Variants in CALN1 observed in about 807,000 individuals in gnomAD.
CALN1 encodes calcium-binding protein 8.
CALN1 carries 17 observed loss-of-function variants against 30.6 expected under a neutral mutation model. The ratio of observed to expected loss-of-function variants is 0.56; its 90% CI spans 0.38 to 0.83. The LOEUF (loss-of-function observed/expected upper bound fraction) is 0.83, where lower values mean the gene tolerates loss of function less well. Ranked by LOEUF, CALN1 falls within the 40% of genes least tolerant of loss-of-function variation. The pLI is 0.00. For synonymous variants in CALN1, 156 were observed against 131.4 expected, an observed-to-expected ratio of 1.19 and a Z score of -1.28; for missense variants, 291 against 354.9, an observed-to-expected ratio of 0.82 and a Z score of 1.45.
intron 3 of CALN1, among the ~76,000 whole-genome samples, chr7:72,191,096 T>C (rs547076150): frequency 5.3e-5 from 8 of 152,294 alleles, no homozygotes; most frequent in Admixed American, 2.6e-4. Context: ...TGGTCTAGTG[T>C]GAGAGACAGA....
Position 72,161,677 on chromosome 7 carries a change from T to A in CALN1, c.245-55383A>T, listed in dbSNP as rs1289175940. Among the ~76,000 whole-genome samples the A allele has an allele frequency of 2.6e-5, 4 of 152,040 alleles. No homozygotes were observed. The East Asian group carries it at 7.7e-4, about 29-fold the overall frequency. Reference sequence around the variant, plus strand: ...TTTGAGCTAGAAAGTTGGCGATTCTTGTACCGCATGTTCTCACTTGTAAGT... The same window carrying A: ...TTTGAGCTAGAAAGTTGGCGATTCTAGTACCGCATGTTCTCACTTGTAAGT... On this transcript the variant is annotated intron_variant, in intron 3 of 6. Transcript: ENST00000395275.
intron 3 of CALN1, among the ~76,000 whole-genome samples, chr7:72,126,441 T>C (rs1808771404): frequency 7.3e-6 from 1 of 137,586 alleles, no homozygotes; most frequent in Non-Finnish European, 1.7e-5. Context: ...TAAACATGTG[T>C]GCGCATGTGT....
At chr7:72,277,404 C>T (rs1797405847) in intron 3 of CALN1, among the ~76,000 whole-genome samples, 1 of 152,096 alleles carries the variant, frequency 6.6e-6, no homozygotes, top group Middle Eastern at 3.2e-3. Flanking sequence ...AACTGAAGAC[C>T]AGAAGATGTA....
At chr7:72,234,210 C>G (rs1250642670) in intron 3 of CALN1, among the ~76,000 whole-genome samples, 1 of 152,088 alleles carries the variant, frequency 6.6e-6, no homozygotes, top group Non-Finnish European at 1.5e-5. Flanking sequence ...GATTAGAACC[C>G]TACAGAGCAC....
intron 2 of CALN1, among the ~76,000 whole-genome samples, chr7:72,395,174 C>T (rs78377969): frequency 1.4e-3 from 214 of 152,266 alleles, no homozygotes; most frequent in African/African-American, 4.9e-3. Flanking sequence ...CAGCACTGTA[C>T]CTGGCACACC....
the CALN1 span, among the ~76,000 whole-genome samples, chr7:72,494,797 T>A: frequency 6.6e-6 from 1 of 152,056 alleles, no homozygotes; most frequent in East Asian, 1.9e-4. Context: ...AGCTCAAGAG[T>A]TCGAGGCTGC....
At chr7:72,246,959 G>C (rs1439577812) in intron 3 of CALN1, among the ~76,000 whole-genome samples, 1 of 151,976 alleles carries the variant, frequency 6.6e-6, no homozygotes. Context: ...TCTCCATGTT[G>C]GTCAGGCTAG....
intron 6 of CALN1, among the ~76,000 whole-genome samples, chr7:71,794,042 C>T (rs1336657203): frequency 2.6e-5 from 4 of 152,026 alleles, no homozygotes; most frequent in African/African-American, 4.8e-5. Flanking sequence ...TTGGGTACTG[C>T]GTTAAGTGCT....
chr7:72,152,023 C>T (rs1342040453), intron 3 of CALN1, among the ~76,000 whole-genome samples: 1 of 151,350 alleles, frequency 6.6e-6, no homozygotes, highest in East Asian at 1.9e-4. Context: ...ATTCTCCTGC[C>T]TCAGCCTCCC....
intron 5 of CALN1, among the ~76,000 whole-genome samples, chr7:71,926,462 C>A (rs762575565): frequency 2.0e-5 from 3 of 152,178 alleles, no homozygotes; most frequent in Non-Finnish European, 4.4e-5. Context: ...CAAACCCTAT[C>A]CATGCTTGTT....
intron 3 of CALN1, among the ~76,000 whole-genome samples, chr7:72,138,979 T>G (rs547786069): frequency 7.2e-5 from 11 of 152,342 alleles, no homozygotes; most frequent in Non-Finnish European, 2.9e-5. Flanking sequence ...TGCAATGCCA[T>G]CATCTAGCGT....
At chr7:72,311,342 G>T (rs529083402) in intron 2 of CALN1, among the ~76,000 whole-genome samples, 1 of 152,096 alleles carries the variant, frequency 6.6e-6, no homozygotes, top group Non-Finnish European at 1.5e-5. Flanking sequence ...TACATTATTG[G>T]TAAGGCTTCC....
At chr7:72,265,876 G>C (rs1188693693) in intron 3 of CALN1, among the ~76,000 whole-genome samples, 1 of 152,010 alleles carries the variant, frequency 6.6e-6, no homozygotes, top group Non-Finnish European at 1.5e-5. Context: ...GCTCATACCT[G>C]TAATCCCAGC....
intron 3 of CALN1, among the ~76,000 whole-genome samples, chr7:72,110,306 G>A (rs879759584): frequency 6.6e-5 from 10 of 152,156 alleles, no homozygotes; most frequent in African/African-American, 1.2e-4. Context: ...TTGGACCTCC[G>A]AGTTGCCCCA....
intron 5 of CALN1, among the ~76,000 whole-genome samples, chr7:71,918,360 C>CA (rs1213123367): frequency 1.3e-5 from 2 of 152,150 alleles, no homozygotes; most frequent in African/African-American, 2.4e-5. Context: ...CAGGATTTCT[C>CA]AATAATGAGC....
At chr7:71,870,107 G>A (rs1371862072) in intron 5 of CALN1, among the ~76,000 whole-genome samples, 1 of 152,196 alleles carries the variant, frequency 6.6e-6, no homozygotes, top group Admixed American at 6.5e-5. Flanking sequence ...AGAGTGGCTG[G>A]CGCAGTGGCT....
At position 72,247,294 on chromosome 7, in the gene CALN1, G is replaced by C. The variant is rs564090514; in HGVS notation, c.244+31392C>G. 7.8e-4 allele frequency among the ~76,000 whole-genome samples: 101 copies of C among 130,054 alleles called. 1 individual carries two copies. Among genetic ancestry groups the C allele is most frequent in the African/African-American group, 3.0e-3 (100 of 33,520 alleles). 85.3% of individuals were successfully genotyped at this position (130,054 alleles called of 152,430 possible). A position where few individuals can be genotyped will look rare whatever the true frequency, so the allele number is the denominator to read the frequency against. On this transcript the variant is annotated intron_variant, in intron 3 of 6. Transcript: ENST00000395275. ...GATGGAGTCTCACTCTGTCACCCAG[G>C]CTGGAGTGCAGTGGCGCGACGTTGG... is the stretch of plus-strand genomic sequence containing the variant.
intron 2 of CALN1, among the ~76,000 whole-genome samples, chr7:72,376,390 CTTG>C (rs1380803020): frequency 6.6e-6 from 1 of 152,198 alleles, no homozygotes; most frequent in Admixed American, 6.5e-5. Flanking sequence ...CTTTCTGAAA[CTTG>C]TTGCTGTTGT....
rs1806484713 is a variant in CALN1 at position 72,403,433 on chromosome 7, C to A, written c.-64G>T. On this transcript the variant is annotated 5_prime_UTR_variant, in exon 2 of 7. Transcript: ENST00000395275. The stretch of plus-strand genomic sequence containing the variant: ...CTCATCAAAGGAACGTCAGCGAAGG[C>A]ACTGAGACTCTGAAAGGAGTTGACA... 2 of 1,312,206 alleles carry A rather than the reference C, an allele frequency of 1.5e-6. No individual in the cohort carries two copies. Among genetic ancestry groups the A allele is most frequent in the South Asian group, 1.3e-5 (1 of 75,482 alleles). The allele number at this position is 1,312,206 out of a possible 1,614,324, so 81.3% of individuals were successfully genotyped here.
Sources: allele counts gnomAD v4.1 joint callset (sites outside exome capture counted in the v4.1 genomes callset), GRCh38; gene constraint gnomAD v4.1.1; transcripts MANE v1.5; gene names NCBI Gene and HGNC (gene_info 2026-07-23, HGNC 2026-07-21).